CERS2: variants seen among roughly 807,000 people sequenced by gnomAD.
The protein encoded by CERS2 is ceramide synthase 2.
Under a neutral mutation model 56.6 loss-of-function variants are expected in CERS2, and 20 were observed. The observed-to-expected ratio is 0.35, with a 90% CI of 0.25 to 0.51. CERS2 has a LOEUF of 0.51. Ranked by LOEUF, CERS2 falls within the 20% of genes least tolerant of loss-of-function variation. The pLI is 0.96. For synonymous variants in CERS2, 187 were observed against 175.4 expected (o/e 1.07, Z -0.52); for missense variants, 361 against 488.6 (o/e 0.74, Z 2.46).
At chr1:150,968,030 A>G in intron 4 of CERS2, 53 bp downstream of exon 4, 2 of 1,539,762 alleles carry the variant, frequency 1.3e-6, no homozygotes, top group East Asian at 4.5e-5. Flanking sequence ...CCCTCCCAGC[A>G]AGACACATCA....
rs778569881 is a variant in CERS2, at chr1:150,966,647, G to C, written c.849-18C>G. ...GCAGGATCCTGAGGATTCAAGGAGA[G>C]AGAGAACGTGGACAAGAGCAGGTCA... is the stretch of plus-strand genomic sequence containing the variant. On this transcript the variant is annotated intron_variant, in intron 9 of 10. Transcript: ENST00000368954. The C allele has an allele frequency of 3.7e-6, 6 of 1,613,602 alleles. No homozygotes were observed. In the African/African-American group the frequency reaches 8.0e-5, roughly 22 times the overall value.
Position 150,966,228 on chromosome 1 carries a change from C to T in CERS2, c.1063G>A (p.Ala355Thr). The T allele has an allele frequency of 6.2e-7, 1 of 1,607,726 alleles. No homozygotes were observed. Among genetic ancestry groups the T allele is most frequent in the South Asian group, 1.1e-5 (1 of 90,056 alleles). Residue 355 changes from alanine to threonine, a missense_variant, in exon 11 of 11, where the codon GCA becomes ACA. By Grantham distance (58) the Ala-to-Thr change is moderately conservative. Coordinates refer to ENST00000368954, the MANE Select transcript of CERS2 (RefSeq NM_022075.5). ...CGGCTCTTTGCTCCTCCCCCAGCTG[C>T]AGCCTCCTCCCCCTCTGAGCTCTCT... ...ETESSEGEEA[A>T]AGGGAKSRPL...
At position 150,965,690 on chromosome 1, in the gene CERS2, C is replaced by A. The variant is rs773563865; in HGVS notation, c.*458G>T. 1 of 155,232 alleles carries A rather than the reference C, an allele frequency of 6.4e-6. No individual in the cohort carries two copies. The highest frequency in any genetic ancestry group is 1.4e-5 in the Non-Finnish European group (1 of 70,056). The allele number at this position is 155,232 out of a possible 1,614,324, so 9.6% of individuals were successfully genotyped here. A position where few individuals can be genotyped will look rare whatever the true frequency, so the allele number is the denominator to read the frequency against. On this transcript the variant is annotated 3_prime_UTR_variant, in exon 11 of 11. Transcript: ENST00000368954. ...TTAAAAGCTCAGCTTTGGTTTCTGG[C>A]CCAAGTTAGGGAGCTTAGAAAGGTT... is the stretch of plus-strand genomic sequence containing the variant.
At chr1:150,972,105 G>A (rs1468571981) in intron 1 of CERS2, among the ~76,000 whole-genome samples, 2 of 152,172 alleles carry the variant, frequency 1.3e-5, no homozygotes, top group Admixed American at 1.3e-4. Context: ...CTAGAGCATG[G>A]TCAAGGACAG....
Position 150,968,428 on chromosome 1 carries a change from A to G in CERS2, c.258T>C (p.His86=). 6.2e-7 allele frequency: 1 copy of G among 1,614,176 alleles called. No homozygotes were observed. The change falls in exon 3 of 11, where the codon CAT becomes CAC. Residue 86 remains histidine, a synonymous_variant. Transcript: ENST00000368954. ...LRAPPNATLE[H]FYLTSGKQPK... ...GCTGCTTGCCACTGGTCAGGTAGAAATGTTCCAAGGTGGCGTTGGGAGGTG... is the reference window on the plus strand; with the variant it reads ...GCTGCTTGCCACTGGTCAGGTAGAAGTGTTCCAAGGTGGCGTTGGGAGGTG...
intron 1 of CERS2, among the ~76,000 whole-genome samples, chr1:150,969,570 CA>C (rs5777746): frequency 2.3e-3 from 276 of 119,176 alleles, no homozygotes; most frequent in Middle Eastern, 8.9e-3. Context: ...GAGACTGTCT[CA>C]AAAAAAAAAA....
chr1:150,969,151 T>G lies in CERS2; in HGVS notation c.-1-60A>C, dbSNP rs587721908. The G allele has an allele frequency of 4.1e-6, 6 of 1,476,792 alleles. No individual in the cohort carries two copies. In the African/African-American group the frequency reaches 4.2e-5, roughly 10 times the overall value. The allele number at this position is 1,476,792 out of a possible 1,614,324, so 91.5% of individuals were successfully genotyped here. On this transcript the variant is annotated intron_variant, in intron 1 of 10. Transcript: ENST00000368954. ...GAGTAGCTATGGAGGAAGAGATAGA[T>G]GAATAAAAGTTTTCAGGATGTATCA...
chr1:150,965,482 C>T lies in CERS2; in HGVS notation c.*666G>A, dbSNP rs1250873442. 3 of 132,880 alleles carry T rather than the reference C, an allele frequency of 2.3e-5. No individual in the cohort carries two copies. The highest frequency in any genetic ancestry group is 7.8e-5 in the African/African-American group (3 of 38,660). 8.2% of individuals were successfully genotyped at this position (132,880 alleles called of 1,614,324 possible). ...AGAGAAGAGGGAAGGGGGAAGAGGC[C>T]AGAGAAAGGAGGAGGCAGTCAGATC... On this transcript the variant is annotated 3_prime_UTR_variant, in exon 11 of 11. Transcript: ENST00000368954.
In CERS2 at chr1:150,966,101, GTTCC is replaced by G. The variant is rs772878867; in HGVS notation, c.*43_*46del. The G allele has an allele frequency of 7.6e-6, 12 of 1,587,374 alleles. No homozygotes were observed. Among genetic ancestry groups the G allele is most frequent in the Non-Finnish European group, 8.6e-6 (10 of 1,164,274 alleles). ...ACCCTATAGCGCAGGGAGCGGGGTA[GTTCC>G]TTGGCTTTATGCATTAATCTGGGAG... is the stretch of plus-strand genomic sequence containing the variant. On this transcript the variant is annotated 3_prime_UTR_variant, in exon 11 of 11. Transcript: ENST00000368954.
chr1:150,969,787 C>T (rs1055879755), intron 1 of CERS2, among the ~76,000 whole-genome samples: 4 of 152,086 alleles, frequency 2.6e-5, no homozygotes, highest in Admixed American at 6.6e-5. Flanking sequence ...TATCCCCCTA[C>T]ACTCTGGCCA....
Position 150,967,573 on chromosome 1 carries a change from C to T in CERS2, c.520-89G>A, listed in dbSNP as rs587610841. On this transcript the variant is annotated intron_variant, in intron 6 of 10. Transcript: ENST00000368954. ...TAGCCCCTGAGGTTCTTCATTCCAT[C>T]ACTCTAATCCCTCTGCCATGGATTC... 174 of 1,438,160 alleles carry T rather than the reference C, an allele frequency of 1.2e-4. 1 individual carries two copies. In the South Asian group the frequency reaches 1.7e-3, roughly 14 times the overall value. 89.1% of individuals were successfully genotyped at this position (1,438,160 alleles called of 1,614,324 possible). A position where few individuals can be genotyped will look rare whatever the true frequency, so the allele number is the denominator to read the frequency against.
intron 2 of CERS2, among the ~76,000 whole-genome samples, 176 bp from the exon 3 acceptor site, chr1:150,968,688 G>A (rs1269276116): frequency 6.6e-6 from 1 of 152,162 alleles, no homozygotes; most frequent in East Asian, 1.9e-4. Flanking sequence ...TGGCCAGGCG[G>A]GCGGCGGGTA....
rs751123315 is a variant in CERS2, at chr1:150,966,840, G to A, written c.764C>T (p.Ala255Val). 21 of 1,613,774 alleles carry A rather than the reference G, an allele frequency of 1.3e-5. No individual in the cohort carries two copies. The highest frequency in any genetic ancestry group is 1.6e-4 in the Middle Eastern group (1 of 6,062). Residue 255 changes from alanine (A) to valine (V), a missense_variant, in exon 9 of 11, where the codon GCG becomes GTG. Ala to Val is a moderately conservative substitution (Grantham distance 64, BLOSUM62 0). Transcript: ENST00000368954. ...LLESAKMFNY[A>V]GWKNTCNNIF... ...GTTGTTGCAGGTGTTCTTCCATCCC[G>A]CGTAGTTAAACATCTTGGCTGACTG...
intron 1 of CERS2, among the ~76,000 whole-genome samples, chr1:150,972,671 T>C (rs2102773805): frequency 6.6e-6 from 1 of 152,348 alleles, no homozygotes; most frequent in Non-Finnish European, 1.5e-5. Context: ...AGACATGGTA[T>C]CTGTCTACGC....
chr1:150,966,668 G>T lies in CERS2; in HGVS notation c.849-39C>A, dbSNP rs190166558. 602 of 1,611,658 alleles carry T rather than the reference G, an allele frequency of 3.7e-4. 3 individuals carry two copies. The African/African-American group carries it at 7.3e-3, about 20-fold the overall frequency. ...GAGAGAGAGAACGTGGACAAGAGCA[G>T]GTCAGACACCGGGGAGATACAGGAG... On this transcript the variant is annotated intron_variant, in intron 9 of 10. Transcript: ENST00000368954.
chr1:150,974,226 A>G (rs1024785843), intron 1 of CERS2: 13 of 152,056 alleles, frequency 8.5e-5, no homozygotes, highest in African/African-American at 2.4e-4. Context: ...TCTCGCGCCA[A>G]TGGTCACCAA....
intron 5 of CERS2, 50 bp downstream of exon 5, chr1:150,967,770 C>T (rs948275539): frequency 1.9e-6 from 3 of 1,606,274 alleles, no homozygotes; most frequent in African/African-American, 1.3e-5. Flanking sequence ...CATGGCCTCA[C>T]CTGACCTTGC....
At chr1:150,969,702 G>C (rs1156368137) in intron 1 of CERS2, among the ~76,000 whole-genome samples, 1 of 151,938 alleles carries the variant, frequency 6.6e-6, no homozygotes, top group African/African-American at 2.4e-5. Context: ...TTGTCATTTT[G>C]CTATCTTAAC....
Position 150,967,691 on chromosome 1 carries a change from C to T in CERS2, c.492G>A (p.Lys164=), listed in dbSNP as rs769756473. ...IVDKPWFYDM[K]KVWEGYPIQS... ...GTATGGGATATCCCTCCCAAACTTT[C>T]TTCATGTCATAGAACCAGGGTTTCT... Residue 164 remains lysine (K), a synonymous_variant, in exon 6 of 11, where the codon AAG becomes AAA. Transcript: ENST00000368954. 28 of 1,613,948 alleles carry T rather than the reference C, an allele frequency of 1.7e-5. No homozygotes were observed. The highest frequency in any genetic ancestry group is 1.6e-5 in the Non-Finnish European group (19 of 1,179,932).
Sources: allele counts gnomAD v4.1 joint callset (sites outside exome capture counted in the v4.1 genomes callset), GRCh38; gene constraint gnomAD v4.1.1; transcripts MANE v1.5; gene names NCBI Gene and HGNC (gene_info 2026-07-23, HGNC 2026-07-21).